ARHGEF4: variants seen among roughly 807,000 people sequenced by gnomAD.
The protein encoded by ARHGEF4 is APC-stimulated guanine nucleotide exchange factor 1.
A neutral mutation model predicts 162.0 loss-of-function variants in ARHGEF4; 119 were observed. The observed-to-expected ratio is 0.73, with a 90% CI of 0.63 to 0.86. ARHGEF4 has a LOEUF of 0.86. ARHGEF4 is among the 40% of genes least tolerant of loss of function. The probability of loss-of-function intolerance (pLI) is 0.00; values close to 1 mark genes in which losing one functional copy is unlikely to be tolerated. For synonymous variants in ARHGEF4, 1,014 were observed against 979.9 expected, an observed-to-expected ratio of 1.03 and a Z score of -0.65; for missense variants, 2,488 against 2,456.0, an observed-to-expected ratio of 1.01 and a Z score of -0.28.
At chr2:130,935,911 C>G (rs1558741532) in intron 3 of ARHGEF4, among the ~76,000 whole-genome samples, 1 of 152,046 alleles carries the variant, frequency 6.6e-6, no homozygotes, top group Middle Eastern at 3.2e-3. Flanking sequence ...TACTAAAATA[C>G]AAAATCAGCT....
intron 1 of ARHGEF4, among the ~76,000 whole-genome samples, chr2:130,856,334 A>G (rs1270691694): frequency 6.6e-6 from 1 of 152,216 alleles, no homozygotes; most frequent in Non-Finnish European, 1.5e-5. Flanking sequence ...ATGAAGAAAA[A>G]TGAACAAAGA....
At chr2:130,975,047 C>G (rs1685611332) in intron 4 of ARHGEF4, among the ~76,000 whole-genome samples, 1 of 151,436 alleles carries the variant, frequency 6.6e-6, no homozygotes, top group Non-Finnish European at 1.5e-5. Context: ...TTTTTAAGAG[C>G]AGCGTCTGTG....
At chr2:130,986,549 C>T (rs1346151152) in intron 4 of ARHGEF4, among the ~76,000 whole-genome samples, 2 of 152,124 alleles carry the variant, frequency 1.3e-5, no homozygotes, top group Non-Finnish European at 2.9e-5. Context: ...CCTGTGCTGG[C>T]CAGGTGGAAA....
At chr2:130,907,208 C>CTTTTTTTTT (rs70994720) in intron 1 of ARHGEF4, among the ~76,000 whole-genome samples, 1 of 87,254 alleles carries the variant, frequency 1.1e-5, no homozygotes, top group Non-Finnish European at 2.3e-5. Flanking sequence ...TAGTTTGTCC[C>CTTTTTTTTT]TTTTTTTTTT....
At chr2:130,899,932 A>G (rs1200187808) in intron 1 of ARHGEF4, among the ~76,000 whole-genome samples, 1 of 151,834 alleles carries the variant, frequency 6.6e-6, no homozygotes, top group Non-Finnish European at 1.5e-5. Flanking sequence ...CTGCATTTTA[A>G]TTTTCATTCA....
chr2:131,017,157 G>A (rs1320667325), intron 4 of ARHGEF4, among the ~76,000 whole-genome samples: 3 of 152,144 alleles, frequency 2.0e-5, no homozygotes, highest in Non-Finnish European at 4.4e-5. Context: ...ATACACCGTG[G>A]GGCACATGGT....
Position 130,917,415 on chromosome 2 carries a change from C to A in ARHGEF4, c.3469C>A (p.Gln1157Lys), listed in dbSNP as rs1382198120. The change falls in exon 2 of 14, where the codon CAG (glutamine) becomes AAG (lysine). Residue 1157 changes from glutamine to lysine, a missense_variant. This residue lies in a region of ARHGEF4 where 1,642 missense variants were observed against 1,481.5 expected (regional missense o/e 1.11). Coordinates refer to ENST00000409359, the MANE Select transcript of ARHGEF4 (RefSeq NM_001367493.1). Reference sequence around the variant, plus strand: ...TCTGCAGACGCTAAACCAAGATGAGCAGAAGGAAGAGAGCAGGGAAGGAGG... The same window carrying A: ...TCTGCAGACGCTAAACCAAGATGAGAAGAAGGAAGAGAGCAGGGAAGGAGG... ...LSLQTLNQDE[Q>K]KEESREGGQG... 1.3e-6 allele frequency: 2 copies of A among 1,550,646 alleles called. No individual in the cohort carries two copies. The highest frequency in any genetic ancestry group is 2.4e-5 in the South Asian group (2 of 84,066).
chr2:131,030,242 G>GT (rs60596984), intron 5 of ARHGEF4, among the ~76,000 whole-genome samples: 127,693 of 152,070 alleles, frequency 0.84, 56,256 homozygotes, highest in Non-Finnish European at 0.97. Context: ...GCGAAGAGGT[G>GT]TTTTTTTGGG....
chr2:130,946,724 T>C, intron 4 of ARHGEF4, 89 bp downstream of exon 4: 1 of 1,571,172 alleles, frequency 6.4e-7, no homozygotes, highest in South Asian at 1.1e-5. Flanking sequence ...TGTATCCACT[T>C]GCCTGGTAGA....
chr2:131,012,351 C>A (rs1688509761), intron 4 of ARHGEF4, among the ~76,000 whole-genome samples: 1 of 152,188 alleles, frequency 6.6e-6, no homozygotes, highest in South Asian at 2.1e-4. Context: ...GGTGTCACTT[C>A]TTTGCCTAGA....
intron 1 of ARHGEF4, among the ~76,000 whole-genome samples, chr2:130,873,986 T>A (rs776927811): frequency 6.6e-6 from 1 of 152,170 alleles, no homozygotes; most frequent in Non-Finnish European, 1.5e-5. Context: ...TCAGGAGGGA[T>A]GTGGATGTTT....
rs143746772 is a variant in ARHGEF4, at chr2:131,025,338, A to G, written c.3986-2607A>G. ...GGGGGAAATCCGCCCCCATGATCCAATCACCTTCCACCAGGCCACACCTTT... is the reference window on the plus strand; with the variant it reads ...GGGGGAAATCCGCCCCCATGATCCAGTCACCTTCCACCAGGCCACACCTTT... On this transcript the variant is annotated intron_variant, in intron 4 of 13. Transcript: ENST00000409359. Among the ~76,000 whole-genome samples the G allele has an allele frequency of 2.7e-3, 417 of 152,300 alleles. 3 individuals carry two copies. The highest frequency in any genetic ancestry group is 9.2e-3 in the African/African-American group (383 of 41,574).
intron 4 of ARHGEF4, chr2:130,964,101 C>G (rs1233827995): frequency 1.1e-6 from 1 of 905,166 alleles, no homozygotes; most frequent in Non-Finnish European, 1.3e-6. Context: ...GCGATCTCGG[C>G]ACTAGCAGCA....
At chr2:130,873,012 C>CT (rs1678589813) in intron 1 of ARHGEF4, among the ~76,000 whole-genome samples, 1 of 152,242 alleles carries the variant, frequency 6.6e-6, no homozygotes, top group Non-Finnish European at 1.5e-5. Context: ...CAGCAAGCCT[C>CT]TGAGTCAGGC....
chr2:130,950,971 T>C (rs1478080774), intron 4 of ARHGEF4, among the ~76,000 whole-genome samples: 1 of 152,244 alleles, frequency 6.6e-6, no homozygotes, highest in East Asian at 1.9e-4. Context: ...ACTTCAGTGC[T>C]AGGGAGATGG....
intron 4 of ARHGEF4, among the ~76,000 whole-genome samples, chr2:130,993,063 A>G (rs745561170): frequency 1.3e-5 from 2 of 152,234 alleles, no homozygotes; most frequent in Non-Finnish European, 2.9e-5. Context: ...CAGTCTGGGC[A>G]ACAGAGCAAG....
chr2:130,884,853 AC>A (rs1209159049), intron 1 of ARHGEF4, among the ~76,000 whole-genome samples: 3 of 152,062 alleles, frequency 2.0e-5, no homozygotes, highest in Admixed American at 2.0e-4. Context: ...AGTGATGATT[AC>A]AAGCTGAGGA....
intron 1 of ARHGEF4, among the ~76,000 whole-genome samples, chr2:130,838,545 G>A (rs1053835494): frequency 6.6e-6 from 1 of 152,122 alleles, no homozygotes; most frequent in African/African-American, 2.4e-5. Context: ...GACAGAGGTT[G>A]CAGTGAGCCA....
At chr2:130,942,259 C>T (rs1171330190) in intron 3 of ARHGEF4, among the ~76,000 whole-genome samples, 2 of 150,128 alleles carry the variant, frequency 1.3e-5, no homozygotes, top group Non-Finnish European at 2.9e-5. Flanking sequence ...ATGCCATTCT[C>T]CTGCCTCAGC....
Sources: gnomAD v4.1 joint callset for allele counts (sites outside exome capture counted in the v4.1 genomes callset) on GRCh38, gnomAD v4.1.1 for gene constraint, gnomAD v4.1.1 regional missense constraint, MANE v1.5 for transcripts, NCBI Gene and HGNC (gene_info 2026-07-23, HGNC 2026-07-21) for gene names.